The following NTM variants were observed in gnomAD, a reference collection of about 807,000 sequenced individuals.
NTM encodes the protein neurotrimin.
A neutral mutation model predicts 42.1 loss-of-function variants in NTM; 13 were observed. The ratio of observed to expected loss-of-function variants is 0.31; its 90% confidence interval spans 0.20 to 0.49. The LOEUF (loss-of-function observed/expected upper bound fraction) is 0.49, where lower values mean the gene tolerates loss of function less well. NTM is among the 20% of genes least tolerant of loss of function. NTM has a pLI of 0.99. For missense variants in NTM, 373 were observed against 452.8 expected, an observed-to-expected ratio of 0.82 and a Z score of 1.60; for synonymous variants, 187 against 179.2, an observed-to-expected ratio of 1.04 and a Z score of -0.35.
intron 2 of NTM, among the ~76,000 whole-genome samples, chr11:132,101,319 ACC>A (rs2061588264): frequency 2.0e-5 from 3 of 152,130 alleles, no homozygotes; most frequent in Admixed American, 2.0e-4. Context: ...GGTGGCATCC[ACC>A]TGTGACATCA....
intron 1 of NTM, among the ~76,000 whole-genome samples, chr11:131,833,567 CAT>C (rs1027529007): frequency 2.0e-5 from 3 of 152,222 alleles, no homozygotes; most frequent in Non-Finnish European, 2.9e-5. Context: ...GTAGCTCACA[CAT>C]GAGTCAGGAC....
chr11:131,881,510 C>CACACA (rs67919649), intron 1 of NTM, among the ~76,000 whole-genome samples: 10,399 of 144,988 alleles, frequency 0.072, 564 homozygotes, highest in East Asian at 0.27. Flanking sequence ...ACACACACAC[C>CACACA]CCCCAAAGCT....
intron 1 of NTM, among the ~76,000 whole-genome samples, chr11:131,773,234 T>C (rs780160996): frequency 4.6e-5 from 7 of 152,160 alleles, no homozygotes; most frequent in Non-Finnish European, 4.4e-5. Context: ...TGTCCTCACA[T>C]GGTGTAAGGG....
intron 2 of NTM, among the ~76,000 whole-genome samples, chr11:131,968,036 AAAT>A (rs1383584878): frequency 6.6e-6 from 1 of 152,182 alleles, no homozygotes. Flanking sequence ...TAACATAAAT[AAAT>A]GCGAAACCAT....
intron 2 of NTM, among the ~76,000 whole-genome samples, chr11:132,093,671 T>G (rs2060626058): frequency 6.6e-6 from 1 of 152,226 alleles, no homozygotes; most frequent in Non-Finnish European, 1.5e-5. Flanking sequence ...GTTGGATGCC[T>G]TTCTTTGTAG....
intron 2 of NTM, among the ~76,000 whole-genome samples, chr11:132,013,208 A>G (rs1315299403): frequency 1.3e-5 from 2 of 152,158 alleles, no homozygotes; most frequent in East Asian, 1.9e-4. Flanking sequence ...AAGAAGTTGA[A>G]GAAATTGTTT....
At chr11:131,413,427 G>A (rs967186068) in intron 1 of NTM, among the ~76,000 whole-genome samples, 4 of 152,124 alleles carry the variant, frequency 2.6e-5, no homozygotes, top group Non-Finnish European at 5.9e-5. Flanking sequence ...TACAAGTTGC[G>A]AACAGTGCTG....
At position 131,677,871 on chromosome 11, in the gene NTM, C is replaced by G. The variant is rs139364825; in HGVS notation, c.83-233693C>G. 5.9e-3 allele frequency among the ~76,000 whole-genome samples: 906 copies of G among 152,274 alleles called. 9 individuals carry two copies. The highest frequency in any genetic ancestry group is 0.021 in the African/African-American group (866 of 41,560). On this transcript the variant is annotated intron_variant, in intron 1 of 8. Transcript: ENST00000683400. ...TGCCATCCTTGGTGGCCCTATAACA[C>G]AGAGCCTTGTGACACACAGCTGGTC...
intron 1 of NTM, among the ~76,000 whole-genome samples, chr11:131,398,759 G>A (rs1039510601): frequency 6.6e-6 from 1 of 152,042 alleles, no homozygotes; most frequent in Non-Finnish European, 1.5e-5. Context: ...GGGAAACTGA[G>A]GCATGGAAAA....
At chr11:132,047,662 T>TG (rs1458969241) in intron 2 of NTM, among the ~76,000 whole-genome samples, 1 of 152,214 alleles carries the variant, frequency 6.6e-6, no homozygotes, top group Admixed American at 6.5e-5. Context: ...CTTGACCCGG[T>TG]GGCCAGGCAG....
At chr11:132,162,669 G>C (rs1008104812) in intron 3 of NTM, among the ~76,000 whole-genome samples, 2 of 135,092 alleles carry the variant, frequency 1.5e-5, no homozygotes, top group African/African-American at 3.4e-5. Context: ...GCTTGTGTGA[G>C]TGTGTGTGTG....
At chr11:131,550,822 C>A (rs1441511841) in intron 1 of NTM, among the ~76,000 whole-genome samples, 1 of 151,980 alleles carries the variant, frequency 6.6e-6, no homozygotes, top group African/African-American at 2.4e-5. Flanking sequence ...GGCAATAGAG[C>A]AATACCCTGT....
At chr11:131,795,421 A>C (rs2091444010) in intron 1 of NTM, 2 of 985,396 alleles carry the variant, frequency 2.0e-6, no homozygotes, top group Non-Finnish European at 2.4e-6. Flanking sequence ...CTGTCCTTAA[A>C]TACACTATTG....
At chr11:131,695,058 G>GGA (rs1205470920) in intron 1 of NTM, among the ~76,000 whole-genome samples, 1 of 152,186 alleles carries the variant, frequency 6.6e-6, no homozygotes, top group African/African-American at 2.4e-5. Context: ...GGAGGGTGCA[G>GGA]GAGAGAGCTG....
intron 2 of NTM, among the ~76,000 whole-genome samples, chr11:131,952,760 A>G (rs1327808455): frequency 6.6e-6 from 1 of 152,230 alleles, no homozygotes; most frequent in East Asian, 1.9e-4. Context: ...CAACACAAAG[A>G]TACCTATTAC....
chr11:131,853,682 G>T (rs1350065784), intron 1 of NTM, among the ~76,000 whole-genome samples: 2 of 152,138 alleles, frequency 1.3e-5, no homozygotes, highest in African/African-American at 4.8e-5. Flanking sequence ...TTGCTATTGT[G>T]AATAGTGCTG....
At chr11:131,463,680 C>T (rs1409143649) in intron 1 of NTM, among the ~76,000 whole-genome samples, 1 of 152,222 alleles carries the variant, frequency 6.6e-6, no homozygotes, top group Admixed American at 6.5e-5. Context: ...CATTGTCCTA[C>T]CTTTATAAAC....
intron 3 of NTM, among the ~76,000 whole-genome samples, chr11:132,182,482 C>T (rs1382743240): frequency 6.6e-6 from 1 of 152,108 alleles, no homozygotes; most frequent in Non-Finnish European, 1.5e-5. Context: ...TAATACCTGC[C>T]ACACAGGGTC....
At chr11:131,833,211 G>A (rs75985361) in intron 1 of NTM, among the ~76,000 whole-genome samples, 44 of 152,326 alleles carry the variant, frequency 2.9e-4, no homozygotes, top group African/African-American at 1.0e-3. Flanking sequence ...TTGTGGTGCA[G>A]TGGAAAGGTG....
Sources: allele counts gnomAD v4.1 joint callset (sites outside exome capture counted in the v4.1 genomes callset), GRCh38; gene constraint gnomAD v4.1.1; transcripts MANE v1.5; gene names NCBI Gene and HGNC (gene_info 2026-07-23, HGNC 2026-07-21).